Variants in GLIS3 observed in about 807,000 individuals in gnomAD.
The protein encoded by GLIS3 is zinc finger protein GLIS3.
Under a neutral mutation model 78.6 loss-of-function variants are expected in GLIS3, and 53 were observed. That is an observed-to-expected ratio of 0.67 (90% CI 0.54 to 0.85). The LOEUF is 0.85. GLIS3 is among the 40% of genes least tolerant of loss of function. The probability of loss-of-function intolerance (pLI) is 0.00; values close to 1 mark genes in which losing one functional copy is unlikely to be tolerated. For missense variants in GLIS3, 1,703 were observed against 1,231.1 expected (o/e 1.38, Z -5.74); for synonymous variants, 684 against 509.9 (o/e 1.34, Z -4.60).
In GLIS3 at chr9:3,827,080, A is replaced by G. The variant is rs1563751323; in HGVS notation, c.*1192T>C. ...AGACTTTTCGAGAACTGTCACCTCT[A>G]CCTTCCCAAGATGATCAGACAATGG... On this transcript the variant is annotated 3_prime_UTR_variant, in exon 11 of 11. Coordinates refer to ENST00000381971, the MANE Select transcript of GLIS3 (RefSeq NM_001042413.2). The G allele has an allele frequency of 1.3e-5, 2 of 152,194 alleles. No individual in the cohort carries two copies. The highest frequency in any genetic ancestry group is 1.9e-4 in the East Asian group (1 of 5,198). The allele number at this position is 152,194 out of a possible 1,614,324, so 9.4% of individuals were successfully genotyped here.
chr9:3,999,161 A>T (rs1164468228), intron 4 of GLIS3, among the ~76,000 whole-genome samples: 1 of 152,190 alleles, frequency 6.6e-6, no homozygotes, highest in East Asian at 1.9e-4. Flanking sequence ...TGGCTATGCC[A>T]TGGTAATTGA....
intron 8 of GLIS3, among the ~76,000 whole-genome samples, chr9:3,860,870 G>C (rs1820170135): frequency 6.6e-6 from 1 of 152,168 alleles, no homozygotes; most frequent in African/African-American, 2.4e-5. Flanking sequence ...AGCAACAAAA[G>C]ACACATATCT....
intron 2 of GLIS3, among the ~76,000 whole-genome samples, chr9:4,170,450 C>T (rs1452590066): frequency 2.0e-5 from 3 of 152,132 alleles, no homozygotes; most frequent in African/African-American, 7.2e-5. Flanking sequence ...ACATGGCACA[C>T]GGTGTTAGAA....
the GLIS3 span, among the ~76,000 whole-genome samples, chr9:4,465,204 G>A: frequency 2.0e-5 from 3 of 152,216 alleles, no homozygotes; most frequent in Non-Finnish European, 4.4e-5. Context: ...GGATAATCCT[G>A]TAAGAATGGA....
At chr9:4,358,971 A>C in the GLIS3 span, among the ~76,000 whole-genome samples, 2 of 151,524 alleles carry the variant, frequency 1.3e-5, no homozygotes, top group Admixed American at 6.6e-5. Flanking sequence ...ATCCCTTAAC[A>C]CTCCTCACTA....
At chr9:3,872,397 T>A (rs772131544) in intron 8 of GLIS3, among the ~76,000 whole-genome samples, 1 of 152,244 alleles carries the variant, frequency 6.6e-6, no homozygotes, top group Non-Finnish European at 1.5e-5. Flanking sequence ...TCTGTTTTCA[T>A]GCTACTGTTA....
At chr9:3,908,173 C>T (rs989789665) in intron 6 of GLIS3, among the ~76,000 whole-genome samples, 1 of 152,156 alleles carries the variant, frequency 6.6e-6, no homozygotes, top group African/African-American at 2.4e-5. Flanking sequence ...GCCCAACTTC[C>T]CTGACAGCAA....
chr9:4,234,449 G>A (rs1043267530), intron 2 of GLIS3, among the ~76,000 whole-genome samples: 6 of 152,160 alleles, frequency 3.9e-5, no homozygotes, highest in Admixed American at 2.6e-4. Context: ...GGAACAGTCA[G>A]AATACACACA....
intron 4 of GLIS3, among the ~76,000 whole-genome samples, chr9:4,013,690 C>A (rs540600262): frequency 6.6e-6 from 1 of 152,302 alleles, no homozygotes; most frequent in Non-Finnish European, 1.5e-5. Context: ...ACCTTTTCTT[C>A]ACTTTTCCAG....
chr9:4,176,717 G>A (rs1230203682), intron 2 of GLIS3, among the ~76,000 whole-genome samples: 1 of 152,106 alleles, frequency 6.6e-6, no homozygotes, highest in Non-Finnish European at 1.5e-5. Context: ...TCCGCCTCCC[G>A]GGTTCAAATG....
At chr9:4,334,999 C>T (rs576790198) in intron 2 of GLIS3, among the ~76,000 whole-genome samples, 1 of 145,094 alleles carries the variant, frequency 6.9e-6, no homozygotes, top group African/African-American at 2.5e-5. Flanking sequence ...AGCTCCACCT[C>T]CCGGGTTCAT....
intron 2 of GLIS3, among the ~76,000 whole-genome samples, chr9:4,232,734 G>T (rs1458803984): frequency 2.6e-5 from 4 of 152,142 alleles, no homozygotes; most frequent in African/African-American, 9.7e-5. Flanking sequence ...GGAGGACACA[G>T]AAACGTTATC....
chr9:4,430,837 A>G, the GLIS3 span, among the ~76,000 whole-genome samples: 1 of 152,202 alleles, frequency 6.6e-6, no homozygotes, highest in Admixed American at 6.5e-5. Flanking sequence ...CATGCCAGAA[A>G]TCAGGGGAAA....
At chr9:4,059,078 A>G (rs1007459387) in intron 4 of GLIS3, among the ~76,000 whole-genome samples, 1 of 152,130 alleles carries the variant, frequency 6.6e-6, no homozygotes, top group Non-Finnish European at 1.5e-5. Context: ...TCTAATCTAT[A>G]GTTGATCTAG....
chr9:3,925,613 G>C (rs895474844), intron 6 of GLIS3, among the ~76,000 whole-genome samples: 1 of 152,054 alleles, frequency 6.6e-6, no homozygotes, highest in African/African-American at 2.4e-5. Flanking sequence ...GCGCGTGTGT[G>C]TGTGTGTGCG....
At chr9:4,254,596 T>C (rs1417052299) in intron 2 of GLIS3, among the ~76,000 whole-genome samples, 2 of 152,092 alleles carry the variant, frequency 1.3e-5, no homozygotes, top group Non-Finnish European at 2.9e-5. Flanking sequence ...TCCCAGCACT[T>C]TGGGAGGCTG....
At chr9:4,185,568 G>A (rs1339609867) in intron 2 of GLIS3, among the ~76,000 whole-genome samples, 1 of 152,066 alleles carries the variant, frequency 6.6e-6, no homozygotes, top group Non-Finnish European at 1.5e-5. Flanking sequence ...ATTCATCAAT[G>A]TCCCATAAGG....
chr9:4,355,998 T>C, the GLIS3 span, among the ~76,000 whole-genome samples: 87 of 152,330 alleles, frequency 5.7e-4, no homozygotes, highest in Non-Finnish European at 1.0e-3. Flanking sequence ...TGTTCTATGG[T>C]ACAAAAATTA....
intron 2 of GLIS3, among the ~76,000 whole-genome samples, chr9:4,235,326 G>C (rs1360715167): frequency 6.6e-6 from 1 of 150,818 alleles, no homozygotes; most frequent in Admixed American, 6.6e-5. Flanking sequence ...ACTGATGGGG[G>C]GAGTCATTGA....
Sources: allele counts gnomAD v4.1 joint callset (sites outside exome capture counted in the v4.1 genomes callset), GRCh38; gene constraint gnomAD v4.1.1; transcripts MANE v1.5; gene names NCBI Gene and HGNC (gene_info 2026-07-23, HGNC 2026-07-21).